C15orf62: variants seen among roughly 807,000 people sequenced by gnomAD.
C15orf62 encodes chromosome 15 open reading frame 62.
In C15orf62, 11 loss-of-function variants were observed where a neutral mutation model predicts 13.2. The ratio of observed to expected loss-of-function variants is 0.83; its 90% CI spans 0.52 to 1.38. The LOEUF is 1.38. Among genes scored for constraint, C15orf62 ranks in the 40% most tolerant of loss-of-function variants. The pLI, the probability that C15orf62 is intolerant of heterozygous loss-of-function variation, is 0.00. For synonymous variants in C15orf62, 88 were observed against 95.6 expected (o/e 0.92, Z 0.46); for missense variants, 204 against 229.1 (o/e 0.89, Z 0.71).
chr15:40,770,430 C>A lies in C15orf62; in HGVS notation c.-66C>A. ...CCTCCCCAGCTGCTGGCACTCACTGCCCCAGCAGGGACCACATGCACCCTG... is the reference window on the plus strand; with the variant it reads ...CCTCCCCAGCTGCTGGCACTCACTGACCCAGCAGGGACCACATGCACCCTG... On this transcript the variant is annotated 5_prime_UTR_variant, in exon 1 of 1. Coordinates refer to ENST00000344320, the MANE Select transcript of C15orf62 (RefSeq NM_001130448.3). This position sits in a 1 kb window ranked among gnomAD's most constrained non-coding sequence, Gnocchi z 5.0. 1.4e-6 allele frequency: 2 copies of A among 1,463,248 alleles called. No individual in the cohort carries two copies. The highest frequency in any genetic ancestry group is 1.8e-6 in the Non-Finnish European group (2 of 1,095,520). 90.6% of individuals were successfully genotyped at this position (1,463,248 alleles called of 1,614,324 possible). A position where few individuals can be genotyped will look rare whatever the true frequency, so the allele number is the denominator to read the frequency against.
rs938479072 is a variant in C15orf62, at chr15:40,771,935, T to C, written c.*912T>C. 1.8e-5 allele frequency: 3 copies of C among 167,000 alleles called. No individual in the cohort carries two copies. Among genetic ancestry groups the C allele is most frequent in the Non-Finnish European group, 4.4e-5 (3 of 68,132 alleles). 10.3% of individuals were successfully genotyped at this position (167,000 alleles called of 1,614,324 possible). ...CTGCCAACACAGCTACCCGGAGCAA[T>C]CCCTGGTGAAGGAAGGCAGCTCTAG... On this transcript the variant is annotated 3_prime_UTR_variant, in exon 1 of 1. Transcript: ENST00000344320.
chr15:40,770,826 C>A lies in C15orf62; in HGVS notation c.331C>A (p.Pro111Thr), dbSNP rs1396941722. 6.4e-7 allele frequency: 1 copy of A among 1,550,996 alleles called. No individual in the cohort carries two copies. The highest frequency in any genetic ancestry group is 8.7e-7 in the Non-Finnish European group (1 of 1,146,984). The change falls in exon 1 of 1, where the codon CCA becomes ACA. Residue 111 changes from proline to threonine, a missense_variant. Pro to Thr is a conservative substitution (Grantham distance 38, BLOSUM62 -1). Coordinates refer to ENST00000344320, the MANE Select transcript of C15orf62 (RefSeq NM_001130448.3). The surrounding 1 kb of genome is among the most constrained non-coding windows in gnomAD (Gnocchi z 5.0). ...AYTAAYSATL[P>T]SALSLSSALH... ...CACAGCAGCCTACTCTGCCACCCTG[C>A]CATCGGCGCTCTCTCTGTCGAGTGC...
chr15:40,770,604 A>G lies in C15orf62; in HGVS notation c.109A>G (p.Ser37Gly), dbSNP rs1387265871. 1 of 1,550,750 alleles carries G rather than the reference A, an allele frequency of 6.4e-7. No homozygotes were observed. Among genetic ancestry groups the G allele is most frequent in the Non-Finnish European group, 8.7e-7 (1 of 1,146,982 alleles). Reference sequence around the variant, plus strand: ...ACAGAGTAGTGTGCTTAGCCAGGCCAGCACAGCAGGTGGGGACCACGAGGA... The same window carrying G: ...ACAGAGTAGTGTGCTTAGCCAGGCCGGCACAGCAGGTGGGGACCACGAGGA... Reference protein sequence around the residue: ...RRQSSVLSQASTAGGDHEEYS... With the variant: ...RRQSSVLSQAGTAGGDHEEYS... Residue 37 changes from serine (S) to glycine (G), a missense_variant, in exon 1 of 1, where the codon AGC becomes GGC. Coordinates refer to ENST00000344320, the MANE Select transcript of C15orf62 (RefSeq NM_001130448.3). This position sits in a 1 kb window ranked among gnomAD's most constrained non-coding sequence, Gnocchi z 5.0.
chr15:40,770,930 C>T lies in C15orf62; in HGVS notation c.435C>T (p.Pro145=), dbSNP rs1376999672. The T allele has an allele frequency of 1.9e-6, 3 of 1,551,516 alleles. No homozygotes were observed. The highest frequency in any genetic ancestry group is 3.9e-5 in the Admixed American group (2 of 51,008). Residue 145 remains proline, a synonymous_variant, in exon 1 of 1, where the codon CCC becomes CCT. Transcript: ENST00000344320. This position sits in a 1 kb window ranked among gnomAD's most constrained non-coding sequence, Gnocchi z 5.0. ...CACCTACCCCAGACCTCAGTGATCC[C>T]TTCCTCTCCTTCAAAGTGGACCTGG... ...QRTPTPDLSD[P]FLSFKVDLGI... is the part of the protein sequence containing the mutation.
rs1027586828 is a variant in C15orf62, at chr15:40,770,590, T to C, written c.95T>C (p.Val32Ala). Reference protein sequence around the residue: ...RPRRLRRQSSVLSQASTAGGD... With the variant: ...RPRRLRRQSSALSQASTAGGD... Reference sequence around the variant, plus strand: ...CGGCGGCTCCGGCGACAGAGTAGTGTGCTTAGCCAGGCCAGCACAGCAGGT... The same window carrying C: ...CGGCGGCTCCGGCGACAGAGTAGTGCGCTTAGCCAGGCCAGCACAGCAGGT... Residue 32 changes from valine (V) to alanine (A), a missense_variant, in exon 1 of 1, where the codon GTG becomes GCG. Transcript: ENST00000344320. The surrounding 1 kb of genome is among the most constrained non-coding windows in gnomAD (Gnocchi z 5.0). 2.3e-5 allele frequency: 35 copies of C among 1,550,566 alleles called. No individual in the cohort carries two copies. Among genetic ancestry groups the C allele is most frequent in the Non-Finnish European group, 3.1e-5 (35 of 1,146,976 alleles).
Position 40,770,286 on chromosome 15 carries a change from C to A in C15orf62, c.-210C>A. ...GGAAACTCTTGCTGCCAGGAACTCC[C>A]AGCTGTCTGCTCTCCTGGGCAAAAA... On this transcript the variant is annotated 5_prime_UTR_variant, in exon 1 of 1. Transcript: ENST00000344320. The surrounding 1 kb of genome is among the most constrained non-coding windows in gnomAD (Gnocchi z 5.0). 1 of 584,406 alleles carries A rather than the reference C, an allele frequency of 1.7e-6. No individual in the cohort carries two copies. The highest frequency in any genetic ancestry group is 3.0e-6 in the Non-Finnish European group (1 of 332,012). The allele number at this position is 584,406 out of a possible 1,614,324, so 36.2% of individuals were successfully genotyped here.
Position 40,770,839 on chromosome 15 carries a change from C to G in C15orf62, c.344C>G (p.Ser115Cys). ...AYSATLPSALSLSSALHQHSE... is the reference protein window; with the variant it reads ...AYSATLPSALCLSSALHQHSE... ...TCTGCCACCCTGCCATCGGCGCTCT[C>G]TCTGTCGAGTGCCCTCCACCAGCAC... The change falls in exon 1 of 1, where the codon TCT becomes TGT. Residue 115 changes from serine (S) to cysteine (C), a missense_variant. By Grantham distance (112) the Ser-to-Cys change is moderately radical. Coordinates refer to ENST00000344320, the MANE Select transcript of C15orf62 (RefSeq NM_001130448.3). This position sits in a 1 kb window ranked among gnomAD's most constrained non-coding sequence, Gnocchi z 5.0. 6.4e-7 allele frequency: 1 copy of G among 1,551,468 alleles called. No homozygotes were observed. Among genetic ancestry groups the G allele is most frequent in the Non-Finnish European group, 8.7e-7 (1 of 1,146,996 alleles).
rs1889115213 is a variant in C15orf62, at chr15:40,770,814, T to G, written c.319T>G (p.Ser107Ala). 1.3e-6 allele frequency: 2 copies of G among 1,550,576 alleles called. No individual in the cohort carries two copies. Among genetic ancestry groups the G allele is most frequent in the Non-Finnish European group, 1.7e-6 (2 of 1,146,958 alleles). ...EPPPAYTAAYSATLPSALSLS... is the reference protein window; with the variant it reads ...EPPPAYTAAYAATLPSALSLS... ...CCCACCTGCCTACACAGCAGCCTAC[T>G]CTGCCACCCTGCCATCGGCGCTCTC... The change falls in exon 1 of 1, where the codon TCT becomes GCT. Residue 107 changes from serine to alanine, a missense_variant. Physicochemically the swap from Ser to Ala is moderately conservative, Grantham distance 99 (BLOSUM62 1). Coordinates refer to ENST00000344320, the MANE Select transcript of C15orf62 (RefSeq NM_001130448.3). This position sits in a 1 kb window ranked among gnomAD's most constrained non-coding sequence, Gnocchi z 5.0.
In C15orf62 at chr15:40,770,144, G is replaced by A. The variant is rs1331495966; in HGVS notation, c.-352G>A. 2 of 236,142 alleles carry A rather than the reference G, an allele frequency of 8.5e-6. No individual in the cohort carries two copies. The highest frequency in any genetic ancestry group is 4.6e-5 in the African/African-American group (2 of 43,656). The allele number at this position is 236,142 out of a possible 1,614,324, so 14.6% of individuals were successfully genotyped here. The stretch of plus-strand genomic sequence containing the variant: ...TCGCCAGCCTCACCCAGCCCGAGAA[G>A]GTCCACCTCTGCCTCCGCCGGAGCT... On this transcript the variant is annotated 5_prime_UTR_variant, in exon 1 of 1. Transcript: ENST00000344320. The surrounding 1 kb of genome is among the most constrained non-coding windows in gnomAD (Gnocchi z 5.0).
chr15:40,770,361 G>C lies in C15orf62; in HGVS notation c.-135G>C. The C allele has an allele frequency of 1.2e-6, 1 of 836,284 alleles. No individual in the cohort carries two copies. The highest frequency in any genetic ancestry group is 1.8e-6 in the Non-Finnish European group (1 of 550,196). 51.8% of individuals were successfully genotyped at this position (836,284 alleles called of 1,614,324 possible). On this transcript the variant is annotated 5_prime_UTR_variant, in exon 1 of 1. Coordinates refer to ENST00000344320, the MANE Select transcript of C15orf62 (RefSeq NM_001130448.3). The surrounding 1 kb of genome is among the most constrained non-coding windows in gnomAD (Gnocchi z 5.0). ...CTCACCATCCAAGATGTGGTCAAAG[G>C]TCTGTGCTGAGTGGAAACCCTGAGG...
In C15orf62 at chr15:40,772,408, G is replaced by A. The variant is rs966330888; in HGVS notation, c.*1385G>A. The A allele has an allele frequency of 6.0e-6, 1 of 167,174 alleles. No homozygotes were observed. Among genetic ancestry groups the A allele is most frequent in the African/African-American group, 2.4e-5 (1 of 41,466 alleles). 10.4% of individuals were successfully genotyped at this position (167,174 alleles called of 1,614,324 possible). A position where few individuals can be genotyped will look rare whatever the true frequency, so the allele number is the denominator to read the frequency against. ...TTTCCTCCTCTTGTGTATAGGTACC[G>A]AGCTGTGGATACAGGAGAGAATGAA... On this transcript the variant is annotated 3_prime_UTR_variant, in exon 1 of 1. Transcript: ENST00000344320.
chr15:40,770,681 G>A lies in C15orf62; in HGVS notation c.186G>A (p.Arg62=), dbSNP rs781024377. 7 of 1,548,020 alleles carry A rather than the reference G, an allele frequency of 4.5e-6. No homozygotes were observed. The South Asian group carries it at 7.1e-5, about 16-fold the overall frequency. The change falls in exon 1 of 1, where the codon CGG becomes CGA. Residue 62 remains arginine, a synonymous_variant. Transcript: ENST00000344320. This position sits in a 1 kb window ranked among gnomAD's most constrained non-coding sequence, Gnocchi z 5.0. The stretch of plus-strand genomic sequence containing the variant: ...AGCTACAAGGGAGGCCAGATGGCCG[G>A]CGCCTGCCACTGTGGGGGGACGAGC... The part of the protein sequence containing the change: ...IRELQGRPDG[R]RLPLWGDEQP...
Position 40,770,913 on chromosome 15 carries a change from C to T in C15orf62, c.418C>T (p.Pro140Ser), listed in dbSNP as rs1889119951. ...DTPCFQRTPT[P>S]DLSDPFLSFK... ...TCCCTGCTTCCAGAGGACACCTACC[C>T]CAGACCTCAGTGATCCCTTCCTCTC... The change falls in exon 1 of 1, where the codon CCA (proline) becomes TCA (serine). Residue 140 changes from proline to serine, a missense_variant. By Grantham distance (74) the Pro-to-Ser change is moderately conservative. Transcript: ENST00000344320. The surrounding 1 kb of genome is among the most constrained non-coding windows in gnomAD (Gnocchi z 5.0). 1 of 1,551,546 alleles carries T rather than the reference C, an allele frequency of 6.4e-7. No homozygotes were observed. Among genetic ancestry groups the T allele is most frequent in the Non-Finnish European group, 8.7e-7 (1 of 1,147,008 alleles).
Position 40,770,648 on chromosome 15 carries a change from CATCCGGGAGCTA to C in C15orf62, c.154_165del (p.Ile52_Leu55del). 1 of 1,550,196 alleles carries C rather than the reference CATCCGGGAGCTA, an allele frequency of 6.5e-7. No individual in the cohort carries two copies. Among genetic ancestry groups the C allele is most frequent in the Non-Finnish European group, 8.7e-7 (1 of 1,146,972 alleles). Reference sequence around the variant, plus strand: ...ACGAGGAGTACAGCAACCGAGAAGTCATCCGGGAGCTACAAGGGAGGCCAGATGGCCGGCGCC... The same window carrying C: ...ACGAGGAGTACAGCAACCGAGAAGTCCAAGGGAGGCCAGATGGCCGGCGCC... On this transcript the variant is annotated inframe_deletion, in exon 1 of 1. Transcript: ENST00000344320. This position sits in a 1 kb window ranked among gnomAD's most constrained non-coding sequence, Gnocchi z 5.0.
Position 40,770,452 on chromosome 15 carries a change from C to A in C15orf62, c.-44C>A. ...CTGCCCCAGCAGGGACCACATGCAC[C>A]CTGGCTGCTCCTGAACACCTGTCTG... On this transcript the variant is annotated 5_prime_UTR_variant, in exon 1 of 1. Transcript: ENST00000344320. The surrounding 1 kb of genome is among the most constrained non-coding windows in gnomAD (Gnocchi z 5.0). The A allele has an allele frequency of 6.6e-7, 1 of 1,512,842 alleles. No homozygotes were observed. The highest frequency in any genetic ancestry group is 8.8e-7 in the Non-Finnish European group (1 of 1,129,964). The allele number at this position is 1,512,842 out of a possible 1,614,324, so 93.7% of individuals were successfully genotyped here. A position where few individuals can be genotyped will look rare whatever the true frequency, so the allele number is the denominator to read the frequency against.
In C15orf62 at chr15:40,771,095, C is replaced by T; in HGVS notation, c.*72C>T. 1 of 1,388,100 alleles carries T rather than the reference C, an allele frequency of 7.2e-7. No homozygotes were observed. The highest frequency in any genetic ancestry group is 9.8e-7 in the Non-Finnish European group (1 of 1,016,292). 86.0% of individuals were successfully genotyped at this position (1,388,100 alleles called of 1,614,324 possible). ...CTGGGGATTAAGGAAAGGACAGGGA[C>T]AGGACTCCAGGCCCATCGCTGGAGG... On this transcript the variant is annotated 3_prime_UTR_variant, in exon 1 of 1. Coordinates refer to ENST00000344320, the MANE Select transcript of C15orf62 (RefSeq NM_001130448.3).
Position 40,770,481 on chromosome 15 carries a change from G to C in C15orf62, c.-15G>C, listed in dbSNP as rs1297921052. 2.6e-6 allele frequency: 4 copies of C among 1,539,862 alleles called. No homozygotes were observed. The East Asian group carries it at 9.8e-5, about 38-fold the overall frequency. ...GCTGCTCCTGAACACCTGTCTGCTG[G>C]CTCCCCTGGGCCCCATGGAGACCTG... On this transcript the variant is annotated 5_prime_UTR_variant, in exon 1 of 1. Coordinates refer to ENST00000344320, the MANE Select transcript of C15orf62 (RefSeq NM_001130448.3). This position sits in a 1 kb window ranked among gnomAD's most constrained non-coding sequence, Gnocchi z 5.0.
Position 40,770,232 on chromosome 15 carries a change from T to A in C15orf62, c.-264T>A. Reference sequence around the variant, plus strand: ...CCTGGGTTTTTTTCCACTACCCTATTCAGTAACCAGGCCACTCCTGTCCCT... The same window carrying A: ...CCTGGGTTTTTTTCCACTACCCTATACAGTAACCAGGCCACTCCTGTCCCT... On this transcript the variant is annotated 5_prime_UTR_variant, in exon 1 of 1. Coordinates refer to ENST00000344320, the MANE Select transcript of C15orf62 (RefSeq NM_001130448.3). The surrounding 1 kb of genome is among the most constrained non-coding windows in gnomAD (Gnocchi z 5.0). 1 of 499,882 alleles carries A rather than the reference T, an allele frequency of 2.0e-6. No individual in the cohort carries two copies. 31.0% of individuals were successfully genotyped at this position (499,882 alleles called of 1,614,324 possible).
Position 40,770,613 on chromosome 15 carries a change from G to C in C15orf62, c.118G>C (p.Gly40Arg). ...TGTGCTTAGCCAGGCCAGCACAGCA[G>C]GTGGGGACCACGAGGAGTACAGCAA... ...SSVLSQASTA[G>R]GDHEEYSNRE... The change falls in exon 1 of 1, where the codon GGT becomes CGT. Residue 40 changes from glycine to arginine, a missense_variant. Gly to Arg is a moderately radical substitution (Grantham distance 125). Transcript: ENST00000344320. The surrounding 1 kb of genome is among the most constrained non-coding windows in gnomAD (Gnocchi z 5.0). 1.3e-6 allele frequency: 2 copies of C among 1,550,704 alleles called. No homozygotes were observed. The highest frequency in any genetic ancestry group is 8.7e-7 in the Non-Finnish European group (1 of 1,146,980).
Sources: gnomAD v4.1 joint callset for allele counts on GRCh38, gnomAD v4.1.1 for gene constraint, Gnocchi (gnomAD v3.1) non-coding constraint, MANE v1.5 for transcripts, NCBI Gene and HGNC (gene_info 2026-07-23, HGNC 2026-07-21) for gene names.